SLC22A9: variants seen among roughly 807,000 people sequenced by gnomAD.
SLC22A9 encodes the protein solute carrier family 22 member 9, also known as organic anion transporter 7.
In SLC22A9, 64 loss-of-function variants were observed where a neutral mutation model predicts 50.1. The ratio of observed to expected loss-of-function variants is 1.28; its 90% CI spans 1.04 to 1.57. SLC22A9 has a LOEUF of 1.57. Ranked by LOEUF, SLC22A9 falls within the 40% of genes most tolerant of loss-of-function variation. The pLI, the probability that SLC22A9 is intolerant of heterozygous loss-of-function variation, is 0.00. For synonymous variants in SLC22A9, 261 were observed against 242.5 expected (o/e 1.08, Z -0.71); for missense variants, 757 against 676.1 (o/e 1.12, Z -1.33).
intron 6 of SLC22A9, among the ~76,000 whole-genome samples, chr11:63,404,060 G>A (rs983584364): frequency 6.6e-6 from 1 of 151,934 alleles, no homozygotes; most frequent in Non-Finnish European, 1.5e-5. Context: ...GTTCATTGCA[G>A]CATTATTCAC....
At chr11:63,374,629 A>G (rs1013959076) in intron 4 of SLC22A9, among the ~76,000 whole-genome samples, 1 of 152,184 alleles carries the variant, frequency 6.6e-6, no homozygotes, top group African/African-American at 2.4e-5. Context: ...CCTCGCCTTA[A>G]CAAGTATTAT....
In SLC22A9 at chr11:63,408,151, T is replaced by G; in HGVS notation, c.1328T>G (p.Leu443Ter). ...CGTGAGGTTTTGGCAACACTGGGCTTAGGAGCGTCTGCTCTTGCCAATACC... is the reference window on the plus strand; with the variant it reads ...CGTGAGGTTTTGGCAACACTGGGCTGAGGAGCGTCTGCTCTTGCCAATACC... ...TLREVLATLGLGASALANTLA... is the reference protein window; with the variant it reads ...TLREVLATLG Residue 443 changes from leucine to a stop codon, truncating the protein, a stop_gained, in exon 8 of 10, where the codon TTA becomes TGA. Transcript: ENST00000279178. LOFTEE classifies it high-confidence loss of function. 1 of 1,613,764 alleles carries G rather than the reference T, an allele frequency of 6.2e-7. No homozygotes were observed. The highest frequency in any genetic ancestry group is 8.5e-7 in the Non-Finnish European group (1 of 1,179,790).
intron 3 of SLC22A9, 40 bp from the exon 4 acceptor site, chr11:63,373,854 C>T (rs979858008): frequency 6.2e-7 from 1 of 1,605,996 alleles, no homozygotes; most frequent in African/African-American, 1.3e-5. Flanking sequence ...AATTGAAACT[C>T]CACCTTTGAA....
intron 6 of SLC22A9, among the ~76,000 whole-genome samples, chr11:63,404,484 C>T (rs375903601): frequency 1.6e-4 from 25 of 152,246 alleles, no homozygotes; most frequent in African/African-American, 5.1e-4. Context: ...TGGGCTGAGA[C>T]GATGGGGTTT....
intron 6 of SLC22A9, among the ~76,000 whole-genome samples, chr11:63,387,072 CCA>C (rs367815669): frequency 1.6e-4 from 24 of 152,046 alleles, no homozygotes; most frequent in African/African-American, 5.1e-4. Context: ...TAGCTGCAAC[CCA>C]CAGATTCTGG....
intron 6 of SLC22A9, among the ~76,000 whole-genome samples, chr11:63,405,685 G>T (rs1328531473): frequency 6.6e-6 from 1 of 152,076 alleles, no homozygotes; most frequent in Non-Finnish European, 1.5e-5. Context: ...GAGGTAAATG[G>T]ACATTTCAGC....
At chr11:63,377,101 G>C (rs979381267) in intron 5 of SLC22A9, among the ~76,000 whole-genome samples, 1 of 152,004 alleles carries the variant, frequency 6.6e-6, no homozygotes, top group African/African-American at 2.4e-5. Flanking sequence ...ATGATAGTTG[G>C]AGAATTCAAC....
chr11:63,386,053 G>A (rs893988845), intron 6 of SLC22A9, among the ~76,000 whole-genome samples: 4 of 152,142 alleles, frequency 2.6e-5, no homozygotes, highest in African/African-American at 9.7e-5. Context: ...AGATAATCAT[G>A]TGGTTTTTGT....
At chr11:63,389,917 T>C (rs1398542514) in intron 6 of SLC22A9, among the ~76,000 whole-genome samples, 1 of 152,252 alleles carries the variant, frequency 6.6e-6, no homozygotes, top group Non-Finnish European at 1.5e-5. Context: ...TTGATTTACA[T>C]TTGTCTAATG....
intron 5 of SLC22A9, 75 bp from the exon 6 acceptor site, chr11:63,382,084 G>T: frequency 9.8e-7 from 1 of 1,024,846 alleles, no homozygotes; most frequent in Non-Finnish European, 1.5e-6. Flanking sequence ...TCTCATCTGT[G>T]GGTTGACCAG....
chr11:63,405,010 T>A (rs2015012716), intron 6 of SLC22A9, among the ~76,000 whole-genome samples: 1 of 152,042 alleles, frequency 6.6e-6, no homozygotes, highest in Non-Finnish European at 1.5e-5. Flanking sequence ...CCATGTCAGA[T>A]GAGGCAGAAA....
rs574318140 is a variant in SLC22A9, at chr11:63,377,591, C to T, written c.954+1823C>T. On this transcript the variant is annotated intron_variant, in intron 5 of 9. Transcript: ENST00000279178. ...GGAAACTTATAGCACTAAATCCCCA[C>T]ATCACAAAGTTTGAGAGATCTCAAA... is the stretch of plus-strand genomic sequence containing the variant. Among the ~76,000 whole-genome samples, 28 of 152,260 alleles carry T rather than the reference C, an allele frequency of 1.8e-4. No homozygotes were observed. In the East Asian group the frequency reaches 5.4e-3, roughly 29 times the overall value.
chr11:63,391,219 A>G (rs1480577410), intron 6 of SLC22A9, among the ~76,000 whole-genome samples: 2 of 151,972 alleles, frequency 1.3e-5, no homozygotes, highest in Non-Finnish European at 2.9e-5. Flanking sequence ...CTTTTTTCAG[A>G]CTTGTTTTGT....
At chr11:63,407,182 A>G (rs1288329504) in intron 7 of SLC22A9, among the ~76,000 whole-genome samples, 2 of 152,194 alleles carry the variant, frequency 1.3e-5, no homozygotes, top group Non-Finnish European at 2.9e-5. Context: ...TTTGGTCACC[A>G]TAACTGCAAT....
At chr11:63,370,516 A>C in intron 1 of SLC22A9, 58 bp downstream of exon 1, 2 of 1,501,244 alleles carry the variant, frequency 1.3e-6, no homozygotes, top group Non-Finnish European at 1.8e-6. Context: ...GAATAACACA[A>C]GTAATAATCA....
At chr11:63,371,013 A>G in intron 1 of SLC22A9, 122 bp from the exon 2 acceptor site, 3 of 647,122 alleles carry the variant, frequency 4.6e-6, no homozygotes, top group Non-Finnish European at 7.9e-6. Context: ...ATGCTGAGAA[A>G]GGAAGCCACA....
chr11:63,393,121 A>C (rs1332848572), intron 6 of SLC22A9, among the ~76,000 whole-genome samples: 1 of 152,166 alleles, frequency 6.6e-6, no homozygotes, highest in East Asian at 1.9e-4. Context: ...ATCCATTAAC[A>C]TGGGATGTGT....
chr11:63,405,597 A>G (rs2015023648), intron 6 of SLC22A9, among the ~76,000 whole-genome samples: 1 of 152,138 alleles, frequency 6.6e-6, no homozygotes, highest in African/African-American at 2.4e-5. Flanking sequence ...CACAGGACCA[A>G]CTACACAGTG....
chr11:63,387,606 T>C (rs2014691433), intron 6 of SLC22A9, among the ~76,000 whole-genome samples: 1 of 152,094 alleles, frequency 6.6e-6, no homozygotes, highest in Admixed American at 6.6e-5. Flanking sequence ...GTTTTGTTCT[T>C]TTTACTCCAG....
Sources: allele counts gnomAD v4.1 joint callset (sites outside exome capture counted in the v4.1 genomes callset), GRCh38; gene constraint gnomAD v4.1.1; transcripts MANE v1.5; gene names NCBI Gene and HGNC (gene_info 2026-07-23, HGNC 2026-07-21).